The following CEP350 variants were observed in gnomAD, a reference collection of about 807,000 sequenced individuals.
The protein encoded by CEP350 is centrosomal protein 350.
CEP350 carries 126 observed loss-of-function variants against 331.8 expected under a neutral mutation model. The observed-to-expected ratio is 0.38, with a 90% confidence interval of 0.33 to 0.44. The LOEUF is 0.44. Ranked by LOEUF, CEP350 falls within the 20% of genes least tolerant of loss-of-function variation. The pLI, the probability that CEP350 is intolerant of heterozygous loss-of-function variation, is 1.00. For synonymous variants in CEP350, 1,200 were observed against 1,259.5 expected (o/e 0.95, Z 1.00); for missense variants, 3,406 against 3,634.6 (o/e 0.94, Z 1.62).
chr1:180,086,708 G>GTGTA (rs1487455100), intron 31 of CEP350, among the ~76,000 whole-genome samples: 2 of 152,216 alleles, frequency 1.3e-5, no homozygotes, highest in South Asian at 4.1e-4. Context: ...CCTAGCTGTG[G>GTGTA]TGTAGGTTTA....
chr1:180,088,456 C>T lies in CEP350; in HGVS notation c.6425+739C>T, dbSNP rs115512181. Among the ~76,000 whole-genome samples, 1,370 of 149,706 alleles carry T rather than the reference C, an allele frequency of 9.2e-3. 21 individuals are homozygous for T. Among genetic ancestry groups the T allele is most frequent in the African/African-American group, 0.03 (1,216 of 40,872 alleles). On this transcript the variant is annotated intron_variant, in intron 32 of 37. Coordinates refer to ENST00000367607, the MANE Select transcript of CEP350 (RefSeq NM_014810.5). ...AAAAAACATTGGCATATCATAGAAG[C>T]TGAACATAATAGGTTATTGCTGGAG...
intron 26 of CEP350, among the ~76,000 whole-genome samples, chr1:180,063,295 A>G (rs922746678): frequency 6.7e-6 from 1 of 148,380 alleles, no homozygotes; most frequent in Non-Finnish European, 1.5e-5. Flanking sequence ...GGGGTTAGGT[A>G]ATCCTCTCAC....
In CEP350 at chr1:180,006,538, C is replaced by T; in HGVS notation, c.1217C>T (p.Ala406Val). ...VKPVRKVQKV[A>V]QLSSTECRTG... ...CCAGTACGAAAAGTCCAAAAAGTAGCACAGTTATCAAGTACAGAATGCAGA... is the reference window on the plus strand; with the variant it reads ...CCAGTACGAAAAGTCCAAAAAGTAGTACAGTTATCAAGTACAGAATGCAGA... The change falls in exon 8 of 38, where the codon GCA becomes GTA. Residue 406 changes from alanine (A) to valine (V), a missense_variant. This residue lies in a region of CEP350 where 1,857 missense variants were observed against 1,909.2 expected (regional missense o/e 0.97). Coordinates refer to ENST00000367607, the MANE Select transcript of CEP350 (RefSeq NM_014810.5). 1 of 1,545,330 alleles carries T rather than the reference C, an allele frequency of 6.5e-7. No individual in the cohort carries two copies. Among genetic ancestry groups the T allele is most frequent in the South Asian group, 1.2e-5 (1 of 84,066 alleles).
At chr1:179,959,637 C>G (rs571043165) in intron 1 of CEP350, among the ~76,000 whole-genome samples, 1 of 152,076 alleles carries the variant, frequency 6.6e-6, no homozygotes, top group African/African-American at 2.4e-5. Flanking sequence ...TCCTATAATC[C>G]CAGCTGCTGG....
In CEP350 at chr1:180,041,754, G is replaced by C. The variant is rs778938877; in HGVS notation, c.4314G>C (p.Gln1438His). ...CAACGTGTAAAATAGCAGCTCAGCA[G>C]TCAGAAACTGCTCGCCTCACCACAG... ...QEATCKIAAQ[Q>H]SETARLTTDA... Residue 1438 changes from glutamine to histidine, a missense_variant, in exon 19 of 38, where the codon CAG (glutamine) becomes CAC (histidine). Physicochemically the swap from Gln to His is conservative, Grantham distance 24. Around this residue, in one of 5 missense-constraint regions of CEP350, gnomAD observed 1,857 missense variants for 1,909.2 expected, o/e 0.97. Transcript: ENST00000367607. The C allele has an allele frequency of 5.0e-6, 8 of 1,613,090 alleles. No homozygotes were observed. The South Asian group carries it at 8.8e-5, about 18-fold the overall frequency.
At chr1:180,087,783 A>G (rs921936616) in intron 32 of CEP350, 66 bp downstream of exon 32, 6 of 1,337,698 alleles carry the variant, frequency 4.5e-6, no homozygotes, top group Non-Finnish European at 5.8e-6. Flanking sequence ...GAATATTTTC[A>G]GTAGAAGTTA....
chr1:180,003,023 C>A, intron 6 of CEP350, 151 bp from the exon 7 acceptor site: 1 of 575,082 alleles, frequency 1.7e-6, no homozygotes, highest in Non-Finnish European at 3.1e-6. Flanking sequence ...AATAGTTGTG[C>A]AATTTTGTGA....
chr1:180,021,219 TA>T (rs1655300275), intron 12 of CEP350, among the ~76,000 whole-genome samples: 1 of 152,216 alleles, frequency 6.6e-6, no homozygotes, highest in African/African-American at 2.4e-5. Flanking sequence ...TTAAAATTGT[TA>T]TTATCATAAA....
intron 11 of CEP350, among the ~76,000 whole-genome samples, chr1:180,019,351 T>A (rs1655171764): frequency 1.3e-5 from 2 of 152,206 alleles, no homozygotes; most frequent in South Asian, 2.1e-4. Context: ...ATATTTATAG[T>A]TGGCACTGAT....
rs189763757 is a variant in CEP350, at chr1:180,026,338, C to T, written c.3550+1756C>T. 1.3e-3 allele frequency among the ~76,000 whole-genome samples: 202 copies of T among 152,076 alleles called. 1 individual carries two copies. Among genetic ancestry groups the T allele is most frequent in the African/African-American group, 4.7e-3 (193 of 41,472 alleles). On this transcript the variant is annotated intron_variant, in intron 14 of 37. Transcript: ENST00000367607. Reference sequence around the variant, plus strand: ...CTTATTTATTTTGCAGAGACGAGGGCCTCACTTTGTTGCCCAGGCTGGTCT... The same window carrying T: ...CTTATTTATTTTGCAGAGACGAGGGTCTCACTTTGTTGCCCAGGCTGGTCT...
intron 19 of CEP350, 97 bp downstream of exon 19, chr1:180,041,899 C>A: frequency 8.6e-7 from 1 of 1,157,872 alleles, no homozygotes; most frequent in Non-Finnish European, 1.2e-6. Flanking sequence ...TTAGTAAATG[C>A]ATACTTTGAA....
intron 8 of CEP350, among the ~76,000 whole-genome samples, chr1:180,009,657 GT>G (rs1654499369): frequency 6.6e-6 from 1 of 152,080 alleles, no homozygotes; most frequent in Non-Finnish European, 1.5e-5. Context: ...TGTATTCATG[GT>G]TGCTTTTGAT....
intron 10 of CEP350, among the ~76,000 whole-genome samples, chr1:180,015,380 G>A (rs1654909484): frequency 6.6e-6 from 1 of 151,970 alleles, no homozygotes; most frequent in Non-Finnish European, 1.5e-5. Flanking sequence ...GACTACAGGC[G>A]CCCGCTACCT....
At chr1:179,986,280 A>T in intron 2 of CEP350, 26 bp downstream of exon 2, 1 of 1,485,028 alleles carries the variant, frequency 6.7e-7, no homozygotes, top group Non-Finnish European at 9.2e-7. Context: ...TTTAAACAGA[A>T]CTTAATACCT....
rs1009988605 is a variant in CEP350 at position 179,954,956 on chromosome 1, G to A, written c.-200G>A. 8 of 1,113,082 alleles carry A rather than the reference G, an allele frequency of 7.2e-6. No homozygotes were observed. The highest frequency in any genetic ancestry group is 9.4e-6 in the Non-Finnish European group (8 of 850,102). 69.0% of individuals were successfully genotyped at this position (1,113,082 alleles called of 1,614,324 possible). On this transcript the variant is annotated 5_prime_UTR_variant, in exon 1 of 38. Coordinates refer to ENST00000367607, the MANE Select transcript of CEP350 (RefSeq NM_014810.5). Reference sequence around the variant, plus strand: ...CTGAGGGAGGGGAGGCAGCCTTTCCGCCTTGTCTTCCTTCCCAGCGGACCG... The same window carrying A: ...CTGAGGGAGGGGAGGCAGCCTTTCCACCTTGTCTTCCTTCCCAGCGGACCG...
chr1:180,065,006 T>C, intron 26 of CEP350, 109 bp from the exon 27 acceptor site: 1 of 1,156,888 alleles, frequency 8.6e-7, no homozygotes, highest in Non-Finnish European at 1.1e-6. Context: ...TTTTCAACTA[T>C]TGTTATAAAC....
chr1:180,047,909 A>G (rs1312511213), intron 21 of CEP350, among the ~76,000 whole-genome samples: 1 of 151,866 alleles, frequency 6.6e-6, no homozygotes, highest in African/African-American at 2.4e-5. Context: ...ATAGGATATA[A>G]GAAGGGAGGG....
intron 30 of CEP350, among the ~76,000 whole-genome samples, chr1:180,082,221 G>A (rs1659615860): frequency 6.6e-6 from 1 of 152,138 alleles, no homozygotes; most frequent in African/African-American, 2.4e-5. Context: ...ACTTATTTAA[G>A]TAAGAATAAA....
At chr1:180,033,790 C>A in intron 15 of CEP350, 72 bp from the exon 16 acceptor site, 1 of 1,447,028 alleles carries the variant, frequency 6.9e-7, no homozygotes, top group Non-Finnish European at 9.4e-7. Context: ...ATATGTTGTT[C>A]TTTTGAATTA....
Sources: allele counts gnomAD v4.1 joint callset (sites outside exome capture counted in the v4.1 genomes callset), GRCh38; gene constraint gnomAD v4.1.1; regional missense constraint gnomAD v4.1.1; transcripts MANE v1.5; gene names NCBI Gene and HGNC (gene_info 2026-07-23, HGNC 2026-07-21).